Variants in MAP3K13 observed in about 807,000 individuals in gnomAD.
MAP3K13 encodes mitogen-activated protein kinase kinase kinase 13, also known as leucine zipper-bearing kinase.
In MAP3K13, 52 loss-of-function variants were observed where a neutral mutation model predicts 104.0. The ratio of observed to expected loss-of-function variants is 0.50; its 90% CI spans 0.40 to 0.63. MAP3K13 has a LOEUF of 0.63. MAP3K13 is among the 20% of genes least tolerant of loss of function. The pLI is 0.00. For synonymous variants in MAP3K13, 394 were observed against 442.2 expected (o/e 0.89, Z 1.37); for missense variants, 914 against 1,218.5 (o/e 0.75, Z 3.72).
intron 2 of MAP3K13, among the ~76,000 whole-genome samples, chr3:185,297,872 T>C (rs9853870): frequency 0.68 from 102,670 of 151,394 alleles, 36,004 homozygotes; most frequent in Non-Finnish European, 0.78. Context: ...AAATAAGAGC[T>C]ACTCTCTCTC....
intron 11 of MAP3K13, among the ~76,000 whole-genome samples, chr3:185,474,328 AAAAC>A (rs1037149608): frequency 1.3e-5 from 2 of 152,208 alleles, no homozygotes; most frequent in Non-Finnish European, 1.5e-5. Flanking sequence ...TCTGTCTCAA[AAAAC>A]AAACAAACAA....
At chr3:185,453,647 T>A (rs1412928497) in intron 7 of MAP3K13, among the ~76,000 whole-genome samples, 3 of 151,490 alleles carry the variant, frequency 2.0e-5, no homozygotes, top group African/African-American at 7.3e-5. Context: ...TACACACCTG[T>A]AGTCCCAGCT....
intron 2 of MAP3K13, among the ~76,000 whole-genome samples, chr3:185,354,882 A>T (rs557084618): frequency 3.3e-5 from 5 of 152,300 alleles, no homozygotes; most frequent in Admixed American, 2.6e-4. Flanking sequence ...TTGGATGATG[A>T]AAAACAGGTC....
chr3:185,453,237 AATTTCTC>A (rs1423002106), intron 7 of MAP3K13, among the ~76,000 whole-genome samples: 1 of 152,100 alleles, frequency 6.6e-6, no homozygotes, highest in African/African-American at 2.4e-5. Flanking sequence ...AAAATTACCT[AATTTCTC>A]ATTTCTCATA....
chr3:185,345,783 A>C (rs555311669), intron 2 of MAP3K13, among the ~76,000 whole-genome samples: 32 of 152,196 alleles, frequency 2.1e-4, no homozygotes, highest in Admixed American at 3.9e-4. Context: ...AATAATAGAA[A>C]TAAAGTGCGC....
intron 2 of MAP3K13, among the ~76,000 whole-genome samples, chr3:185,332,602 A>T (rs989780883): frequency 9.9e-5 from 15 of 152,198 alleles, no homozygotes; most frequent in African/African-American, 3.6e-4. Context: ...TGTTTCAATG[A>T]ATGACTAGTA....
chr3:185,307,546 C>CCA (rs58408265), intron 2 of MAP3K13, among the ~76,000 whole-genome samples: 7 of 103,976 alleles, frequency 6.7e-5, no homozygotes, highest in South Asian at 7.8e-4. Flanking sequence ...GCACCACCCC[C>CCA]TCCCCCGCCA....
In MAP3K13 at chr3:185,484,259, G is replaced by C; in HGVS notation, c.*1803G>C. The C allele has an allele frequency of 6.6e-6, 1 of 152,198 alleles. No individual in the cohort carries two copies. Among genetic ancestry groups the C allele is most frequent in the East Asian group, 1.9e-4 (1 of 5,198 alleles). The allele number at this position is 152,198 out of a possible 1,614,324, so 9.4% of individuals were successfully genotyped here. On this transcript the variant is annotated 3_prime_UTR_variant, in exon 14 of 14. Transcript: ENST00000265026. ...TTGCCAAAAGCATGAGGTCCTGCCT[G>C]TCTCCAGGGTCATGGGCTCTGAAAA...
rs1257070034 is a variant in MAP3K13 at position 185,454,302 on chromosome 3, CATATATATATGAG to C, written c.1278+2916_1278+2928del. 1.7e-3 allele frequency among the ~76,000 whole-genome samples: 140 copies of C among 84,340 alleles called. 35 individuals carry two copies. The highest frequency in any genetic ancestry group is 7.2e-3 in the African/African-American group (137 of 19,100). The allele number at this position is 84,340 out of a possible 152,430, so 55.3% of individuals were successfully genotyped here. Reference sequence around the variant, plus strand: ...TATATGATATATATGAGATATATATCATATATATATGAGATATATATGAGATATATATGATATA... The same window carrying C: ...TATATGATATATATGAGATATATATCATATATATGAGATATATATGATATA... On this transcript the variant is annotated intron_variant, in intron 7 of 13. Transcript: ENST00000265026.
chr3:185,450,126 T>C lies in MAP3K13; in HGVS notation c.1169+68T>C, dbSNP rs1020700135. 2.3e-4 allele frequency: 327 copies of C among 1,418,080 alleles called. 1 individual carries two copies. The Middle Eastern group carries it at 4.7e-3, about 20-fold the overall frequency. The allele number at this position is 1,418,080 out of a possible 1,614,324, so 87.8% of individuals were successfully genotyped here. On this transcript the variant is annotated intron_variant, in intron 6 of 13. Coordinates refer to ENST00000265026, the MANE Select transcript of MAP3K13 (RefSeq NM_004721.5). The surrounding 1 kb of genome is among the most constrained non-coding windows in gnomAD (Gnocchi z 4.2). ...GTATTTGGAGTAAATATCCTGGTGG[T>C]GGAAAGAATAGGAGCTTTGGAGTAG...
upstream of MAP3K13, among the ~76,000 whole-genome samples, chr3:185,358,506 G>C (rs1244872027): frequency 6.6e-6 from 1 of 152,218 alleles, no homozygotes; most frequent in Non-Finnish European, 1.5e-5. Context: ...ATGATATTTA[G>C]ATAGCATGTA....
In MAP3K13 at chr3:185,323,930, T is replaced by C. The variant is rs538696874; in HGVS notation, c.-86+38287T>C. On this transcript the variant is annotated intron_variant, in intron 2 of 14. Transcript: ENST00000424227. ...TTTGCCAATTTGTTAGGTGAAAATA[T>C]AGGTTAAGATGACGTCATTGTACTT... 7.2e-5 allele frequency among the ~76,000 whole-genome samples: 11 copies of C among 152,314 alleles called. No individual in the cohort carries two copies. The East Asian group carries it at 1.2e-3, about 16-fold the overall frequency.
At chr3:185,453,915 ATG>A (rs1429814168) in intron 7 of MAP3K13, among the ~76,000 whole-genome samples, 2 of 57,894 alleles carry the variant, frequency 3.5e-5, no homozygotes, top group African/African-American at 4.9e-5. Context: ...TGAGATATAT[ATG>A]TGATACATAT....
chr3:185,354,264 G>A (rs1723255982), intron 2 of MAP3K13, among the ~76,000 whole-genome samples: 1 of 151,168 alleles, frequency 6.6e-6, no homozygotes, highest in Non-Finnish European at 1.5e-5. Flanking sequence ...CTAAGGGTCT[G>A]CTCCTACCTC....
At chr3:185,366,431 A>T (rs578048612) in intron 1 of MAP3K13, among the ~76,000 whole-genome samples, 2 of 152,180 alleles carry the variant, frequency 1.3e-5, no homozygotes, top group Non-Finnish European at 2.9e-5. Flanking sequence ...ATTTGTTTTA[A>T]TTTCTCTTGG....
intron 7 of MAP3K13, among the ~76,000 whole-genome samples, chr3:185,461,636 C>G (rs898045779): frequency 6.6e-6 from 1 of 152,042 alleles, no homozygotes; most frequent in Non-Finnish European, 1.5e-5. Flanking sequence ...GATCTTGGCT[C>G]GCTGCAAGCT....
chr3:185,348,932 T>C (rs188285632), intron 2 of MAP3K13, among the ~76,000 whole-genome samples: 2,875 of 151,186 alleles, frequency 0.019, 34 homozygotes, highest in Non-Finnish European at 0.024. Context: ...AACAAACAAA[T>C]AAATAAATAA....
rs148692911 is a variant in MAP3K13, at chr3:185,407,331, G to T, written c.-85-21166G>T. On this transcript the variant is annotated intron_variant, in intron 1 of 13. Coordinates refer to ENST00000265026, the MANE Select transcript of MAP3K13 (RefSeq NM_004721.5). ...CTGTGCTAAACTCTTACCTCATTTT[G>T]CTGTCTAGACCTATGATTATTAATT... 4.8e-3 allele frequency among the ~76,000 whole-genome samples: 734 copies of T among 152,124 alleles called. 7 individuals carry two copies. The highest frequency in any genetic ancestry group is 0.016 in the African/African-American group (683 of 41,496).
chr3:185,418,884 A>G lies in MAP3K13; in HGVS notation c.-85-9613A>G, dbSNP rs1713962139. 2 of 1,216,660 alleles carry G rather than the reference A, an allele frequency of 1.6e-6. No individual in the cohort carries two copies. Among genetic ancestry groups the G allele is most frequent in the Non-Finnish European group, 2.3e-6 (2 of 884,532 alleles). 75.4% of individuals were successfully genotyped at this position (1,216,660 alleles called of 1,614,324 possible). A position where few individuals can be genotyped will look rare whatever the true frequency, so the allele number is the denominator to read the frequency against. ...TTGGGTTTCAGTTCTCTTAATCATG[A>G]TCATTCTGCCTTTTCTAGAATCAAA... On this transcript the variant is annotated intron_variant, in intron 1 of 13. Transcript: ENST00000265026. The surrounding 1 kb of genome is among the most constrained non-coding windows in gnomAD (Gnocchi z 4.5).
Sources: gnomAD v4.1 joint callset for allele counts (sites outside exome capture counted in the v4.1 genomes callset) on GRCh38, gnomAD v4.1.1 for gene constraint, Gnocchi (gnomAD v3.1) non-coding constraint, MANE v1.5 for transcripts, NCBI Gene and HGNC (gene_info 2026-07-23, HGNC 2026-07-21) for gene names.